Variants in PLXNC1 observed in about 807,000 individuals in gnomAD.
The protein encoded by PLXNC1 is plexin C1.
In PLXNC1, 75 loss-of-function variants were observed where a neutral mutation model predicts 178.2. The observed-to-expected ratio is 0.42, with a 90% CI of 0.35 to 0.51. PLXNC1 has a LOEUF of 0.51. Among genes scored for constraint, PLXNC1 ranks in the 20% least tolerant of loss-of-function variants. The probability of loss-of-function intolerance (pLI) is 0.02; values close to 1 mark genes in which losing one functional copy is unlikely to be tolerated. For synonymous variants in PLXNC1, 790 were observed against 779.9 expected (o/e 1.01, Z -0.22); for missense variants, 1,503 against 1,984.4 (o/e 0.76, Z 4.61).
chr12:94,259,481 G>GT (rs1008551666), intron 18 of PLXNC1, 106 bp downstream of exon 18: 181 of 1,174,256 alleles, frequency 1.5e-4, no homozygotes, highest in South Asian at 2.3e-4. Flanking sequence ...TTTATTGTGG[G>GT]TTTTTTTTGG....
intron 9 of PLXNC1, among the ~76,000 whole-genome samples, chr12:94,228,084 A>G (rs1963995232): frequency 6.6e-6 from 1 of 152,238 alleles, no homozygotes; most frequent in Non-Finnish European, 1.5e-5. Flanking sequence ...CCTAAGGTCA[A>G]GTGCAAAGGT....
chr12:94,296,358 C>G (rs374173655), intron 24 of PLXNC1, among the ~76,000 whole-genome samples: 3 of 152,102 alleles, frequency 2.0e-5, no homozygotes, highest in African/African-American at 7.2e-5. Flanking sequence ...AATGAGGTCT[C>G]GCTACATTGT....
intron 9 of PLXNC1, among the ~76,000 whole-genome samples, chr12:94,232,380 C>T (rs575269891): frequency 6.6e-6 from 1 of 152,310 alleles, no homozygotes; most frequent in East Asian, 1.9e-4. Flanking sequence ...TGAGCCACCG[C>T]ACCCGGCCCC....
intron 21 of PLXNC1, chr12:94,277,703 G>C (rs943344017): frequency 1.0e-4 from 35 of 341,648 alleles, no homozygotes; most frequent in Non-Finnish European, 1.2e-5. Context: ...CGTCCTAGCT[G>C]TCCAATGTGG....
chr12:94,292,011 C>T (rs888957734), intron 23 of PLXNC1, among the ~76,000 whole-genome samples: 4 of 152,198 alleles, frequency 2.6e-5, no homozygotes, highest in East Asian at 1.9e-4. Flanking sequence ...CTGGCTTCTT[C>T]GCGTGTTTTT....
intron 23 of PLXNC1, among the ~76,000 whole-genome samples, chr12:94,284,999 C>T (rs1165832634): frequency 6.6e-6 from 1 of 152,168 alleles, no homozygotes; most frequent in Non-Finnish European, 1.5e-5. Flanking sequence ...AGCAATAATG[C>T]AGTGGCTCTG....
chr12:94,286,035 G>A (rs1469476496), intron 23 of PLXNC1, among the ~76,000 whole-genome samples: 2 of 152,186 alleles, frequency 1.3e-5, no homozygotes. Flanking sequence ...CTGTCTGCAA[G>A]GCAAGGTGAA....
At chr12:94,249,843 G>A (rs778355845) in intron 14 of PLXNC1, among the ~76,000 whole-genome samples, 28 of 150,802 alleles carry the variant, frequency 1.9e-4, no homozygotes, top group Non-Finnish European at 2.9e-4. Context: ...CCTTTATGGA[G>A]GTTCCCTAAA....
rs79175993 is a variant in PLXNC1 at position 94,169,353 on chromosome 12, A to G, written c.1203+60A>G. 4.4e-3 allele frequency: 6,335 copies of G among 1,447,606 alleles called. 223 individuals are homozygous for G. In the African/African-American group the frequency reaches 0.11, roughly 24 times the overall value. The allele number at this position is 1,447,606 out of a possible 1,614,324, so 89.7% of individuals were successfully genotyped here. A position where few individuals can be genotyped will look rare whatever the true frequency, so the allele number is the denominator to read the frequency against. On this transcript the variant is annotated intron_variant, in intron 2 of 30. Transcript: ENST00000258526. Reference sequence around the variant, plus strand: ...TAATGGTGATATTTTGTACTTTAAAAAAACATTTTTTTAATGCTTCTGGGT... The same window carrying G: ...TAATGGTGATATTTTGTACTTTAAAGAAACATTTTTTTAATGCTTCTGGGT...
At chr12:94,230,117 C>T (rs1039322641) in intron 9 of PLXNC1, among the ~76,000 whole-genome samples, 4 of 152,206 alleles carry the variant, frequency 2.6e-5, no homozygotes, top group African/African-American at 9.7e-5. Context: ...TTCTCCATCT[C>T]TGATGCCTGG....
At position 94,265,567 on chromosome 12, in the gene PLXNC1, G is replaced by C. The variant is rs548736311; in HGVS notation, c.3597+342G>C. On this transcript the variant is annotated intron_variant, in intron 21 of 30. Coordinates refer to ENST00000258526, the MANE Select transcript of PLXNC1 (RefSeq NM_005761.3). ...TAATTGCAATCAGAATTTCTCAAAT[G>C]GCTCTGCTCTGGGAAGACAATGTGT... Among the ~76,000 whole-genome samples the C allele has an allele frequency of 2.0e-5, 3 of 152,268 alleles. No homozygotes were observed. In the East Asian group the frequency reaches 5.8e-4, roughly 29 times the overall value.
At chr12:94,251,716 C>A (rs898832860) in intron 15 of PLXNC1, among the ~76,000 whole-genome samples, 188 bp downstream of exon 15, 1 of 152,330 alleles carries the variant, frequency 6.6e-6, no homozygotes, top group South Asian at 2.1e-4. Context: ...TTTGGCCAGG[C>A]GTGGTGGCTG....
intron 1 of PLXNC1, among the ~76,000 whole-genome samples, chr12:94,159,680 G>A (rs1004497682): frequency 6.6e-6 from 1 of 152,222 alleles, no homozygotes; most frequent in Admixed American, 6.5e-5. Context: ...TCTTCTCCGA[G>A]CACAGGAGAG....
At chr12:94,172,322 C>T (rs779358844) in intron 2 of PLXNC1, among the ~76,000 whole-genome samples, 4 of 152,128 alleles carry the variant, frequency 2.6e-5, no homozygotes, top group African/African-American at 9.7e-5. Context: ...GTTGTGTATA[C>T]CTTGTTGAAT....
At chr12:94,166,216 G>A (rs1439701445) in intron 1 of PLXNC1, among the ~76,000 whole-genome samples, 8 of 152,126 alleles carry the variant, frequency 5.3e-5, no homozygotes, top group Non-Finnish European at 7.4e-5. Context: ...GCAAGCATGG[G>A]TTATGTGTTG....
At chr12:94,158,346 T>A (rs1461106482) in intron 1 of PLXNC1, 5 of 152,194 alleles carry the variant, frequency 3.3e-5, no homozygotes, top group African/African-American at 1.2e-4. Flanking sequence ...CTGCGGAATG[T>A]CCAGAAACGA....
rs1374372983 is a variant in PLXNC1, at chr12:94,303,672, G to C, written c.4387-84G>C. ...TGGTGGTGGGGGTTCAGCTACATTG[G>C]AATATTATAAATTCCTCCATCTTTT... On this transcript the variant is annotated intron_variant, in intron 28 of 30. Coordinates refer to ENST00000258526, the MANE Select transcript of PLXNC1 (RefSeq NM_005761.3). The C allele has an allele frequency of 3.3e-6, 4 of 1,225,630 alleles. No homozygotes were observed. In the Admixed American group the frequency reaches 1.0e-4, roughly 31 times the overall value. 75.9% of individuals were successfully genotyped at this position (1,225,630 alleles called of 1,614,324 possible).
intron 1 of PLXNC1, among the ~76,000 whole-genome samples, chr12:94,150,657 G>C (rs1403930687): frequency 6.6e-6 from 1 of 152,218 alleles, no homozygotes; most frequent in Non-Finnish European, 1.5e-5. Context: ...GGCGTGAGCC[G>C]GTGCGAGGGG....
At chr12:94,238,671 G>A (rs1042468032) in intron 10 of PLXNC1, among the ~76,000 whole-genome samples, 4 of 152,172 alleles carry the variant, frequency 2.6e-5, no homozygotes, top group African/African-American at 9.7e-5. Context: ...CTGCTGAAGC[G>A]TGATGTTTTG....
Sources: gnomAD v4.1 joint callset for allele counts (sites outside exome capture counted in the v4.1 genomes callset) on GRCh38, gnomAD v4.1.1 for gene constraint, MANE v1.5 for transcripts, NCBI Gene and HGNC (gene_info 2026-07-23, HGNC 2026-07-21) for gene names.